TNRC6C: variants seen among roughly 807,000 people sequenced by gnomAD.
TNRC6C encodes trinucleotide repeat containing adaptor 6C.
A neutral mutation model predicts 153.7 loss-of-function variants in TNRC6C; 20 were observed. That is an observed-to-expected ratio of 0.13 (90% CI 0.09 to 0.19). The LOEUF is 0.19. Among genes scored for constraint, TNRC6C ranks in the 10% least tolerant of loss-of-function variants. The pLI is 1.00. For missense variants in TNRC6C, 1,987 were observed against 2,172.0 expected (o/e 0.91, Z 1.69); for synonymous variants, 811 against 841.4 (o/e 0.96, Z 0.63).
intron 1 of TNRC6C, among the ~76,000 whole-genome samples, chr17:78,027,988 C>T (rs1362481732): frequency 2.6e-5 from 4 of 151,558 alleles, no homozygotes; most frequent in African/African-American, 4.9e-5. Context: ...CTCCACCTCC[C>T]GGGTTCACGC....
intron 2 of TNRC6C, among the ~76,000 whole-genome samples, chr17:78,038,934 C>T (rs576819094): frequency 5.9e-5 from 9 of 151,970 alleles, no homozygotes; most frequent in Admixed American, 5.2e-4. Flanking sequence ...TGGGAAAAGG[C>T]GACGCTGGTG....
At chr17:78,086,349 A>AAAAAAC (rs1567959806) in intron 11 of TNRC6C, among the ~76,000 whole-genome samples, 154 bp from the exon 14 acceptor site, 1 of 149,312 alleles carries the variant, frequency 6.7e-6, no homozygotes, top group Non-Finnish European at 1.5e-5. Context: ...AAAAAAAAAA[A>AAAAAAC]AAAAAAAAAA....
rs533750646 is a variant in TNRC6C, at chr17:78,010,970, C to T, written c.-546+5891C>T. On this transcript the variant is annotated intron_variant, in intron 1 of 19. Coordinates refer to ENST00000301624, the Ensembl canonical transcript of TNRC6C. ...GGCAAGGAAGCGGGGCGCTGTGCTC[C>T]GGGGGCGCCTCCCGAGGGCACTTCT... 5.3e-5 allele frequency among the ~76,000 whole-genome samples: 8 copies of T among 152,246 alleles called. No homozygotes were observed. In the South Asian group the frequency reaches 1.0e-3, roughly 20 times the overall value.
intron 9 of TNRC6C, 133 bp downstream of exon 11, chr17:78,077,467 T>C: frequency 1.7e-6 from 2 of 1,187,256 alleles, no homozygotes; most frequent in Non-Finnish European, 2.4e-6. Flanking sequence ...GTAGTTGAAA[T>C]ACTACCAGGA....
chr17:78,002,690 C>T (rs796082705), upstream of TNRC6C, among the ~76,000 whole-genome samples: 1 of 152,042 alleles, frequency 6.6e-6, no homozygotes, highest in Admixed American at 6.6e-5. Context: ...GCCAGGAGTT[C>T]GAGACTAGCC....
chr17:77,958,440 G>A (rs1018454227), upstream of TNRC6C, among the ~76,000 whole-genome samples: 4 of 151,936 alleles, frequency 2.6e-5, no homozygotes, highest in African/African-American at 9.7e-5. Flanking sequence ...CTCCCCGCGC[G>A]GTGCAGGGAA....
exon 11 of TNRC6C, chr17:78,083,145 C>G: frequency 6.2e-7 from 1 of 1,613,928 alleles, no homozygotes; most frequent in Non-Finnish European, 8.5e-7. Flanking sequence ...CGATGTTGAA[C>G]CAGCTCTATC....
At chr17:78,055,616 CTA>C (rs1264426539) in intron 3 of TNRC6C, among the ~76,000 whole-genome samples, 1 of 152,290 alleles carries the variant, frequency 6.6e-6, no homozygotes, top group East Asian at 1.9e-4. Flanking sequence ...CAGCCCATGA[CTA>C]TTTTAAATTG....
intron 2 of TNRC6C, among the ~76,000 whole-genome samples, chr17:78,046,212 C>T (rs1430126477): frequency 2.7e-5 from 4 of 149,870 alleles, no homozygotes; most frequent in Non-Finnish European, 4.4e-5. Flanking sequence ...GATGGAGTCT[C>T]ACTGTGTTGC....
chr17:78,045,768 T>A (rs1394426396), intron 2 of TNRC6C, among the ~76,000 whole-genome samples: 1 of 152,216 alleles, frequency 6.6e-6, no homozygotes, highest in Non-Finnish European at 1.5e-5. Context: ...ATCAGACTGC[T>A]CTGCCGCCTG....
At chr17:78,006,554 TCTTCTTC>T (rs1235703574) in intron 1 of TNRC6C, among the ~76,000 whole-genome samples, 249 of 63,556 alleles carry the variant, frequency 3.9e-3, no homozygotes, top group South Asian at 0.018. Context: ...TTCTTCTTCT[TCTTCTTC>T]CTTCTTCCTT....
chr17:77,985,784 A>C (rs1180195952), intron 1 of TNRC6C, among the ~76,000 whole-genome samples: 3 of 152,186 alleles, frequency 2.0e-5, no homozygotes, highest in Non-Finnish European at 4.4e-5. Context: ...AGTCCCTGCA[A>C]ATAGTACCTA....
chr17:78,096,521 G>A (rs953353938), intron 16 of TNRC6C, among the ~76,000 whole-genome samples: 2 of 152,252 alleles, frequency 1.3e-5, no homozygotes, highest in African/African-American at 2.4e-5. Flanking sequence ...CAGCAGGGCA[G>A]CTGCAAACAG....
intron 1 of TNRC6C, among the ~76,000 whole-genome samples, chr17:77,972,130 G>A (rs2070944655): frequency 6.6e-6 from 1 of 151,968 alleles, no homozygotes. Flanking sequence ...ATCAGAAGCT[G>A]GATAATTGCA....
intron 1 of TNRC6C, among the ~76,000 whole-genome samples, chr17:78,028,683 A>G (rs2071995070): frequency 6.6e-6 from 1 of 152,226 alleles, no homozygotes; most frequent in African/African-American, 2.4e-5. Context: ...ACAGTACCGT[A>G]TCATGAACCA....
chr17:78,033,230 T>C (rs2072109560), intron 2 of TNRC6C, among the ~76,000 whole-genome samples: 1 of 152,230 alleles, frequency 6.6e-6, no homozygotes, highest in Admixed American at 6.5e-5. Context: ...TGGTGCAGAA[T>C]GTTACTGGTA....
intron 3 of TNRC6C, among the ~76,000 whole-genome samples, chr17:78,052,795 A>G (rs538889749): frequency 1.1e-4 from 16 of 152,180 alleles, no homozygotes; most frequent in African/African-American, 3.6e-4. Context: ...CACATCAGGA[A>G]TCCTTTATGG....
chr17:78,070,491 C>T (rs900734216), intron 5 of TNRC6C, among the ~76,000 whole-genome samples: 26 of 152,176 alleles, frequency 1.7e-4, no homozygotes, highest in Middle Eastern at 6.8e-3. Context: ...TCTGTGGTGC[C>T]GAGCCCTCCC....
intron 2 of TNRC6C, among the ~76,000 whole-genome samples, chr17:78,034,806 A>C (rs1263174231): frequency 6.6e-6 from 1 of 152,090 alleles, no homozygotes; most frequent in Admixed American, 6.6e-5. Context: ...CCCTTTCTGC[A>C]AAAAGTACAA....
Sources: gnomAD v4.1 joint callset for allele counts (sites outside exome capture counted in the v4.1 genomes callset) on GRCh38, gnomAD v4.1.1 for gene constraint, MANE v1.5 for transcripts, NCBI Gene and HGNC (gene_info 2026-07-23, HGNC 2026-07-21) for gene names.